ZNF708: variants seen among roughly 807,000 people sequenced by gnomAD.
ZNF708 encodes ZNF15, ZNF15L1.
ZNF708 carries 44 observed loss-of-function variants against 47.0 expected under a neutral mutation model. The ratio of observed to expected loss-of-function variants is 0.94; its 90% CI spans 0.74 to 1.20. The LOEUF (loss-of-function observed/expected upper bound fraction) is 1.20, where lower values mean the gene tolerates loss of function less well. ZNF708 is among the 50% of genes most tolerant of loss of function. ZNF708 has a pLI of 0.00. For missense variants in ZNF708, 557 were observed against 656.0 expected (o/e 0.85, Z 1.65); for synonymous variants, 184 against 218.5 (o/e 0.84, Z 1.39).
chr19:21,310,503 A>G lies in ZNF708; in HGVS notation c.128T>C (p.Leu43Pro). The G allele has an allele frequency of 7.2e-7, 1 of 1,387,076 alleles. No individual in the cohort carries two copies. The highest frequency in any genetic ancestry group is 9.4e-7 in the Non-Finnish European group (1 of 1,064,706). 85.9% of individuals were successfully genotyped at this position (1,387,076 alleles called of 1,614,324 possible). A position where few individuals can be genotyped will look rare whatever the true frequency, so the allele number is the denominator to read the frequency against. ...MLENYRNLVFLGIAVSNLDLI... is the reference protein window; with the variant it reads ...MLENYRNLVFPGIAVSNLDLI... ...AAAAAAAAAAAACTTATCCTCACCC[A>G]GGAATACCAGGTTTCTATAATTCTC... The change falls in exon 2 of 4, where the codon CTG becomes CCG. Residue 43 changes from leucine (L) to proline (P), a missense_variant and splice_region_variant. By Grantham distance (98) the Leu-to-Pro change is moderately conservative. Coordinates refer to ENST00000356929, the MANE Select transcript of ZNF708 (RefSeq NM_021269.3).
chr19:21,300,468 T>G (rs1193341003), intron 3 of ZNF708, among the ~76,000 whole-genome samples: 1 of 149,878 alleles, frequency 6.7e-6, no homozygotes, highest in Non-Finnish European at 1.5e-5. Context: ...ATCGCACCAT[T>G]GCACTCCAGC....
Position 21,294,637 on chromosome 19 carries a change from T to A in ZNF708, c.329A>T (p.Lys110Ile). The part of the protein sequence containing the change: ...LRRYGKCGYQ[K>I]GCKSVDEHKL... ...ATGCTCATCCACACTTTTACAGCCT[T>A]TCTGATATCCACATTTTCCATATCT... The change falls in exon 4 of 4, where the codon AAA becomes ATA. Residue 110 changes from lysine to isoleucine, a missense_variant. By Grantham distance (102) the Lys-to-Ile change is moderately radical (BLOSUM62 -3). Transcript: ENST00000356929. 1 of 1,612,836 alleles carries A rather than the reference T, an allele frequency of 6.2e-7. No homozygotes were observed. Among genetic ancestry groups the A allele is most frequent in the Non-Finnish European group, 8.5e-7 (1 of 1,178,742 alleles).
At chr19:21,316,329 C>T (rs1428131286) in intron 1 of ZNF708, among the ~76,000 whole-genome samples, 1 of 151,448 alleles carries the variant, frequency 6.6e-6, no homozygotes, top group Admixed American at 6.6e-5. Flanking sequence ...TTTCTCCATG[C>T]TAGTAAGGCT....
intron 1 of ZNF708, among the ~76,000 whole-genome samples, chr19:21,320,869 C>T (rs999156426): frequency 1.3e-5 from 2 of 149,354 alleles, no homozygotes; most frequent in Admixed American, 6.6e-5. Flanking sequence ...AGGCTGGGCG[C>T]GGTGGCTCAC....
At chr19:21,313,398 C>A (rs1972940348) in intron 1 of ZNF708, among the ~76,000 whole-genome samples, 1 of 151,622 alleles carries the variant, frequency 6.6e-6, no homozygotes, top group Admixed American at 6.6e-5. Flanking sequence ...TAATAATTAC[C>A]AGGATTTAGA....
intron 2 of ZNF708, among the ~76,000 whole-genome samples, chr19:21,309,849 T>C (rs1972860264): frequency 6.6e-6 from 1 of 152,262 alleles, no homozygotes; most frequent in South Asian, 2.1e-4. Context: ...TTGTATGTTC[T>C]TAATTTTACT....
At chr19:21,301,497 T>A (rs895067313) in intron 3 of ZNF708, among the ~76,000 whole-genome samples, 3 of 152,136 alleles carry the variant, frequency 2.0e-5, no homozygotes, top group African/African-American at 7.2e-5. Flanking sequence ...TCCCCTGTAA[T>A]CCCAGCTACT....
chr19:21,319,555 G>C (rs77807265), intron 1 of ZNF708, among the ~76,000 whole-genome samples: 2,379 of 151,932 alleles, frequency 0.016, 71 homozygotes, highest in African/African-American at 0.051. Flanking sequence ...CTGGGTTTGA[G>C]GGATTCTGTA....
At chr19:21,301,496 A>C (rs1212334145) in intron 3 of ZNF708, among the ~76,000 whole-genome samples, 3 of 152,132 alleles carry the variant, frequency 2.0e-5, no homozygotes. Flanking sequence ...GTCCCCTGTA[A>C]TCCCAGCTAC....
intron 3 of ZNF708, among the ~76,000 whole-genome samples, chr19:21,307,368 G>A (rs900862202): frequency 5.9e-5 from 9 of 152,050 alleles, no homozygotes; most frequent in African/African-American, 1.9e-4. Flanking sequence ...GCTCATGCCT[G>A]TAATCCCAGC....
chr19:21,325,605 T>C (rs1041594815), intron 1 of ZNF708, among the ~76,000 whole-genome samples: 1 of 152,154 alleles, frequency 6.6e-6, no homozygotes, highest in Non-Finnish European at 1.5e-5. Context: ...TCGGAAACTA[T>C]AAAAATTATA....
chr19:21,321,958 GCTGTACT>G (rs1400112191), intron 1 of ZNF708, among the ~76,000 whole-genome samples: 2 of 151,960 alleles, frequency 1.3e-5, no homozygotes, highest in Admixed American at 1.3e-4. Flanking sequence ...CCTGGGTGGG[GCTGTACT>G]CTAATTTATT....
intron 3 of ZNF708, among the ~76,000 whole-genome samples, chr19:21,301,089 T>C (rs1972650639): frequency 6.6e-6 from 1 of 152,132 alleles, no homozygotes; most frequent in Non-Finnish European, 1.5e-5. Context: ...AATGTAAAAC[T>C]TATTGGACAC....
At chr19:21,294,837 C>CAAA in intron 3 of ZNF708, 98 bp from the exon 4 acceptor site, 1 of 1,118,080 alleles carries the variant, frequency 8.9e-7, no homozygotes, top group Non-Finnish European at 1.2e-6. Flanking sequence ...GATGACATAG[C>CAAA]AAAATACTAC....
rs539638407 is a variant in ZNF708, at chr19:21,310,556, C to T, written c.75G>A (p.Gln25=). The T allele has an allele frequency of 1.3e-6, 2 of 1,511,526 alleles. No homozygotes were observed. The highest frequency in any genetic ancestry group is 1.4e-5 in the African/African-American group (1 of 70,980). The allele number at this position is 1,511,526 out of a possible 1,614,324, so 93.6% of individuals were successfully genotyped here. ...LEEWQCLDTA[Q]QNLYRNVMLE... ...ACATGACATTCCTATATAAATTCTG[C>T]TGTGCTGTGTCCAGGCACTGCCACT... The change falls in exon 2 of 4, where the codon CAG becomes CAA. Residue 25 remains glutamine (Q), a synonymous_variant. Coordinates refer to ENST00000356929, the MANE Select transcript of ZNF708 (RefSeq NM_021269.3).
chr19:21,291,690 C>T lies in ZNF708; in HGVS notation c.*1584G>A, dbSNP rs1802006368. On this transcript the variant is annotated 3_prime_UTR_variant, in exon 4 of 4. Transcript: ENST00000356929. ...GACTACCCTGACCAATATGGTGAAA[C>T]CCCGTCCCTACTAAAAATACAAAAG... 1 of 152,034 alleles carries T rather than the reference C, an allele frequency of 6.6e-6. No individual in the cohort carries two copies. The highest frequency in any genetic ancestry group is 2.1e-4 in the South Asian group (1 of 4,794). The allele number at this position is 152,034 out of a possible 1,614,324, so 9.4% of individuals were successfully genotyped here. A position where few individuals can be genotyped will look rare whatever the true frequency, so the allele number is the denominator to read the frequency against.
At chr19:21,304,744 T>G (rs548060613) in intron 3 of ZNF708, among the ~76,000 whole-genome samples, 6 of 152,230 alleles carry the variant, frequency 3.9e-5, no homozygotes, top group Non-Finnish European at 5.9e-5. Flanking sequence ...GGGGTAGTAG[T>G]GCATTTCTGT....
intron 1 of ZNF708, among the ~76,000 whole-genome samples, chr19:21,315,495 A>C (rs1972983394): frequency 6.6e-6 from 1 of 152,182 alleles, no homozygotes; most frequent in African/African-American, 2.4e-5. Flanking sequence ...GCACGTTCCA[A>C]ATGATGTTTA....
intron 3 of ZNF708, among the ~76,000 whole-genome samples, chr19:21,304,258 G>T (rs1352595476): frequency 7.2e-6 from 1 of 139,100 alleles, no homozygotes; most frequent in African/African-American, 2.6e-5. Flanking sequence ...AAGAAGCCAG[G>T]TTTTTTTTTT....
Sources: allele counts gnomAD v4.1 joint callset (sites outside exome capture counted in the v4.1 genomes callset), GRCh38; gene constraint gnomAD v4.1.1; transcripts MANE v1.5; gene names NCBI Gene and HGNC (gene_info 2026-07-23, HGNC 2026-07-21).